VWA8: variants seen among roughly 807,000 people sequenced by gnomAD.
VWA8 encodes von Willebrand factor A domain-containing protein 8.
Under a neutral mutation model 241.5 loss-of-function variants are expected in VWA8, and 221 were observed. That is an observed-to-expected ratio of 0.91 (90% CI 0.82 to 1.02). The LOEUF (loss-of-function observed/expected upper bound fraction) is 1.02, where lower values mean the gene tolerates loss of function less well. VWA8 is among the 50% of genes least tolerant of loss of function. The pLI, the probability that VWA8 is intolerant of heterozygous loss-of-function variation, is 0.00. For missense variants in VWA8, 2,322 were observed against 2,328.7 expected (o/e 1.00, Z 0.06); for synonymous variants, 852 against 827.1 (o/e 1.03, Z -0.52).
chr13:41,730,046 T>C (rs1480674933), intron 22 of VWA8, among the ~76,000 whole-genome samples: 1 of 152,136 alleles, frequency 6.6e-6, no homozygotes. Flanking sequence ...ATGGGAGTTA[T>C]GAGGAGTGAG....
Position 41,594,124 on chromosome 13 carries a change from G to GTT in VWA8, c.4987-3361_4987-3360dup, listed in dbSNP as rs56659715. 1.1e-3 allele frequency among the ~76,000 whole-genome samples: 159 copies of GTT among 143,416 alleles called. 1 individual carries two copies. Among genetic ancestry groups the GTT allele is most frequent in the South Asian group, 4.2e-3 (19 of 4,496 alleles). 94.1% of individuals were successfully genotyped at this position (143,416 alleles called of 152,430 possible). The stretch of plus-strand genomic sequence containing the variant: ...ATAGATTGTCATTTTTGTAATTTTT[G>GTT]TTTTTTTTTTTTTGACACAAGGTCT... On this transcript the variant is annotated intron_variant, in intron 40 of 44. Coordinates refer to ENST00000379310, the MANE Select transcript of VWA8 (RefSeq NM_015058.2).
chr13:41,752,739 A>T (rs1355886963), intron 21 of VWA8, among the ~76,000 whole-genome samples: 2 of 152,212 alleles, frequency 1.3e-5, no homozygotes, highest in Non-Finnish European at 2.9e-5. Flanking sequence ...AGGTATCTAA[A>T]GGTGCCAGAC....
chr13:41,899,780 A>G (rs549886807), intron 4 of VWA8, among the ~76,000 whole-genome samples: 1 of 152,380 alleles, frequency 6.6e-6, no homozygotes, highest in South Asian at 2.1e-4. Flanking sequence ...GTACTGTGCC[A>G]TACCATATAT....
In VWA8 at chr13:41,587,574, G is replaced by C; in HGVS notation, c.5209C>G (p.Arg1737Gly). The C allele has an allele frequency of 3.7e-6, 6 of 1,614,128 alleles. No homozygotes were observed. Among genetic ancestry groups the C allele is most frequent in the Non-Finnish European group, 5.1e-6 (6 of 1,180,022 alleles). Residue 1737 changes from arginine to glycine, a missense_variant, in exon 42 of 45, where the codon CGC becomes GGC. Transcript: ENST00000379310. ...RFNRMDGRLE[R>G]TMEAVCMVME... ...ACCATACACACAGCCTCCATTGTGC[G>C]CTCAAGCCGGCCATCCATCCTGTTG...
intron 9 of VWA8, among the ~76,000 whole-genome samples, chr13:41,874,645 T>G (rs9525550): frequency 6.6e-6 from 1 of 151,962 alleles, no homozygotes; most frequent in African/African-American, 2.4e-5. Flanking sequence ...TAAAATGAAA[T>G]ATAAATCACA....
Position 41,784,729 on chromosome 13 carries a change from T to TATAC in VWA8, c.2171-829_2171-828insGTAT, listed in dbSNP as rs772522331. 4.7e-4 allele frequency among the ~76,000 whole-genome samples: 28 copies of TATAC among 60,092 alleles called. 1 individual carries two copies. Among genetic ancestry groups the TATAC allele is most frequent in the Middle Eastern group, 7.9e-3 (1 of 126 alleles). 39.4% of individuals were successfully genotyped at this position (60,092 alleles called of 152,430 possible). ...ATATATATATATATATATATATATA[T>TATAC]ACACACACATATATATATATATATA... is the stretch of plus-strand genomic sequence containing the variant. On this transcript the variant is annotated intron_variant, in intron 18 of 44. Coordinates refer to ENST00000379310, the MANE Select transcript of VWA8 (RefSeq NM_015058.2).
At chr13:41,611,822 G>T in intron 38 of VWA8, 90 bp from the exon 39 acceptor site, 1 of 1,436,654 alleles carries the variant, frequency 7.0e-7, no homozygotes, top group Non-Finnish European at 9.5e-7. Context: ...GCCTTGTGGA[G>T]GATATTAATT....
chr13:41,847,360 T>C (rs978380078), intron 12 of VWA8, among the ~76,000 whole-genome samples: 1 of 152,102 alleles, frequency 6.6e-6, no homozygotes, highest in African/African-American at 2.4e-5. Flanking sequence ...CTACAGATAT[T>C]TAAGTTGAGA....
At chr13:41,906,899 A>T (rs2138107032) in intron 4 of VWA8, among the ~76,000 whole-genome samples, 1 of 152,306 alleles carries the variant, frequency 6.6e-6, no homozygotes, top group East Asian at 1.9e-4. Flanking sequence ...AGGTAAAAGA[A>T]AAATAGCAGC....
At chr13:41,805,266 C>A (rs1315799871) in intron 17 of VWA8, among the ~76,000 whole-genome samples, 3 of 152,036 alleles carry the variant, frequency 2.0e-5, no homozygotes, top group African/African-American at 7.2e-5. Flanking sequence ...CCAGGAGTCA[C>A]TATAATTATA....
intron 9 of VWA8, among the ~76,000 whole-genome samples, chr13:41,870,612 G>T (rs1231519817): frequency 6.7e-6 from 1 of 149,938 alleles, no homozygotes; most frequent in East Asian, 2.0e-4. Context: ...CACTCTGCTT[G>T]GTGACAGAGC....
rs80092892 is a variant in VWA8 at position 41,699,669 on chromosome 13, G to A, written c.3365-399C>T. The stretch of plus-strand genomic sequence containing the variant: ...ACCAGTTGGTCAATGTCTTCTATCT[G>A]CTAATCTTGCATTTTCCAGATAGTT... On this transcript the variant is annotated intron_variant, in intron 28 of 44. Transcript: ENST00000379310. Among the ~76,000 whole-genome samples, 798 of 152,246 alleles carry A rather than the reference G, an allele frequency of 5.2e-3. 5 individuals carry two copies. Among genetic ancestry groups the A allele is most frequent in the African/African-American group, 0.018 (760 of 41,542 alleles).
intron 14 of VWA8, among the ~76,000 whole-genome samples, chr13:41,824,838 G>GA (rs149597138): frequency 0.2 from 21,427 of 109,864 alleles, 1,709 homozygotes; most frequent in East Asian, 0.23. Flanking sequence ...AACAGAAAAA[G>GA]AAAAAAAAAA....
At chr13:41,871,608 A>T (rs1873622345) in intron 9 of VWA8, among the ~76,000 whole-genome samples, 1 of 152,030 alleles carries the variant, frequency 6.6e-6, no homozygotes, top group Non-Finnish European at 1.5e-5. Context: ...TTCCAATTTC[A>T]TCCATGTCCC....
At chr13:41,857,373 A>T (rs886413737) in intron 12 of VWA8, among the ~76,000 whole-genome samples, 3 of 152,186 alleles carry the variant, frequency 2.0e-5, no homozygotes, top group African/African-American at 7.2e-5. Context: ...ATGGCGATGT[A>T]TTACAGAGAA....
intron 2 of VWA8, among the ~76,000 whole-genome samples, chr13:41,947,663 A>G (rs1036527187): frequency 1.3e-5 from 2 of 152,122 alleles, no homozygotes; most frequent in African/African-American, 4.8e-5. Context: ...GGTCGGGCGC[A>G]GTGGCTCATG....
At chr13:41,589,305 T>C (rs1239024072) in intron 41 of VWA8, among the ~76,000 whole-genome samples, 1 of 152,246 alleles carries the variant, frequency 6.6e-6, no homozygotes, top group East Asian at 1.9e-4. Flanking sequence ...GTTCTTATTT[T>C]CTATATTTTT....
chr13:41,768,986 T>C (rs2045799320), intron 20 of VWA8, among the ~76,000 whole-genome samples: 2 of 150,346 alleles, frequency 1.3e-5, no homozygotes, highest in South Asian at 4.2e-4. Flanking sequence ...CACCGCAACC[T>C]GCACCTCCTG....
In VWA8 at chr13:41,665,893, GA is replaced by G. The variant is rs144965969; in HGVS notation, c.4611+5052del. Among the ~76,000 whole-genome samples, 1,183 of 152,124 alleles carry G rather than the reference GA, an allele frequency of 7.8e-3. 13 individuals carry two copies. Among genetic ancestry groups the G allele is most frequent in the African/African-American group, 0.025 (1,022 of 41,524 alleles). On this transcript the variant is annotated intron_variant, in intron 37 of 44. Transcript: ENST00000379310. The stretch of plus-strand genomic sequence containing the variant: ...TGAGGTTAGACCTTTTCTAAAGAGT[GA>G]AAGTAAGATAATATTTCTATTTTAA...
Sources: gnomAD v4.1 joint callset for allele counts (sites outside exome capture counted in the v4.1 genomes callset) on GRCh38, gnomAD v4.1.1 for gene constraint, MANE v1.5 for transcripts, NCBI Gene and HGNC (gene_info 2026-07-23, HGNC 2026-07-21) for gene names.